Variants in SON observed in about 807,000 individuals in gnomAD.
The protein encoded by SON is protein SON.
Under a neutral mutation model 173.3 loss-of-function variants are expected in SON, and 4 were observed. The observed-to-expected ratio is 0.02, with a 90% CI of 0.01 to 0.05. The LOEUF is 0.05. SON is among the 10% of genes least tolerant of loss of function. The probability of loss-of-function intolerance (pLI) is 1.00; values close to 1 mark genes in which losing one functional copy is unlikely to be tolerated. For missense variants in SON, 2,626 were observed against 3,055.3 expected (o/e 0.86, Z 3.31); for synonymous variants, 1,190 against 1,105.9 (o/e 1.08, Z -1.51).
chr21:33,550,490 T>A lies in SON; in HGVS notation c.1259T>A (p.Leu420His). 1 of 1,612,190 alleles carries A rather than the reference T, an allele frequency of 6.2e-7. No individual in the cohort carries two copies. Among genetic ancestry groups the A allele is most frequent in the Non-Finnish European group, 8.5e-7 (1 of 1,179,294 alleles). ...CCGGTGCCAGAGTTGCCAGGGCCCC[T>A]TTCTACCCCAGTGCCTGAGTTGCCA... is the stretch of plus-strand genomic sequence containing the variant. ...ATPVPELPGPLSTPVPELPGP... is the reference protein window; with the variant it reads ...ATPVPELPGPHSTPVPELPGP... The change falls in exon 3 of 12, where the codon CTT becomes CAT. Residue 420 changes from leucine (L) to histidine (H), a missense_variant. Leu to His is a moderately conservative substitution (Grantham distance 99, BLOSUM62 -3). This residue lies in a region of SON where 757 missense variants were observed against 730.1 expected (regional missense o/e 1.04). Transcript: ENST00000356577.
Position 33,549,740 on chromosome 21 carries a change from C to T in SON, c.509C>T (p.Pro170Leu). 6.2e-7 allele frequency: 1 copy of T among 1,614,090 alleles called. No individual in the cohort carries two copies. Among genetic ancestry groups the T allele is most frequent in the Non-Finnish European group, 8.5e-7 (1 of 1,179,996 alleles). The change falls in exon 3 of 12, where the codon CCT becomes CTT. Residue 170 changes from proline (P) to leucine (L), a missense_variant. Physicochemically the swap from Pro to Leu is moderately conservative, Grantham distance 98. Transcript: ENST00000356577. Reference sequence around the variant, plus strand: ...CCTTCAGCTGTGGCGCTGGAGCTTCCTACAAGAGCATTTGGCCCATCTGAG... The same window carrying T: ...CCTTCAGCTGTGGCGCTGGAGCTTCTTACAAGAGCATTTGGCCCATCTGAG... Reference protein sequence around the residue: ...SEPSAVALELPTRAFGPSETN... With the variant: ...SEPSAVALELLTRAFGPSETN...
intron 6 of SON, among the ~76,000 whole-genome samples, chr21:33,564,522 G>C (rs1157412092): frequency 6.6e-6 from 1 of 152,120 alleles, no homozygotes; most frequent in East Asian, 1.9e-4. Context: ...ATGAGGTTAA[G>C]ATAATCTTGA....
chr21:33,545,047 T>C (rs1419330764), intron 1 of SON, among the ~76,000 whole-genome samples: 5 of 152,330 alleles, frequency 3.3e-5, no homozygotes, highest in East Asian at 1.9e-4. Context: ...ATTAGAGTAA[T>C]GAGGCTGACA....
chr21:33,576,172 A>T (rs1471855959), intron 11 of SON, among the ~76,000 whole-genome samples, 193 bp from the exon 12 acceptor site: 4 of 76,478 alleles, frequency 5.2e-5, no homozygotes. Flanking sequence ...TCTTTTTCTC[A>T]ATTTGGAGAC....
chr21:33,543,230 T>A, intron 1 of SON, 61 bp downstream of exon 1: 1 of 1,421,098 alleles, frequency 7.0e-7, no homozygotes, highest in East Asian at 2.3e-5. Flanking sequence ...CTAGCCTTCT[T>A]TGGCACCTTT....
rs768548789 is a variant in SON at position 33,559,542 on chromosome 21, T to C, written c.6469-45T>C. 1.3e-6 allele frequency: 2 copies of C among 1,540,844 alleles called. No individual in the cohort carries two copies. Among genetic ancestry groups the C allele is most frequent in the South Asian group, 2.4e-5 (2 of 83,596 alleles). On this transcript the variant is annotated intron_variant, in intron 5 of 11. Coordinates refer to ENST00000356577, the MANE Select transcript of SON (RefSeq NM_138927.4). This position sits in a 1 kb window ranked among gnomAD's most constrained non-coding sequence, Gnocchi z 4.1. ...GTAGAAAATCTCAAACCATTTAATG[T>C]AGATATCATATTGAGCTTTAATTAA...
rs778174674 is a variant in SON at position 33,550,257 on chromosome 21, G to T, written c.1026G>T (p.Gln342His). ...SAIEALRLPE[Q>H]PVDVPSEIAD... ...TTGAAGCGCTAAGATTGCCAGAGCAGCCTGTAGACGTACCATCGGAGATTG... is the reference window on the plus strand; with the variant it reads ...TTGAAGCGCTAAGATTGCCAGAGCATCCTGTAGACGTACCATCGGAGATTG... Residue 342 changes from glutamine to histidine, a missense_variant, in exon 3 of 12, where the codon CAG (glutamine) becomes CAT (histidine). This residue lies in a region of SON where 757 missense variants were observed against 730.1 expected (regional missense o/e 1.04). Coordinates refer to ENST00000356577, the MANE Select transcript of SON (RefSeq NM_138927.4). 6.2e-7 allele frequency: 1 copy of T among 1,614,292 alleles called. No homozygotes were observed. Among genetic ancestry groups the T allele is most frequent in the Admixed American group, 1.7e-5 (1 of 60,036 alleles).
rs769545742 is a variant in SON at position 33,554,778 on chromosome 21, G to C, written c.5547G>C (p.Lys1849Asn). 4 of 1,613,924 alleles carry C rather than the reference G, an allele frequency of 2.5e-6. No individual in the cohort carries two copies. The highest frequency in any genetic ancestry group is 2.5e-6 in the Non-Finnish European group (3 of 1,180,032). ...RTSESRSRAR[K>N]RSSKSKSHRS... ...GTGAATCTCGTTCTAGGGCAAGAAA[G>C]AGATCATCTAAGTCCAAGTCTCATC... is the stretch of plus-strand genomic sequence containing the variant. The change falls in exon 3 of 12, where the codon AAG becomes AAC. Residue 1849 changes from lysine to asparagine, a missense_variant. Physicochemically the swap from Lys to Asn is moderately conservative, Grantham distance 94 (BLOSUM62 0). This residue lies in a region of SON where 1,006 missense variants were observed against 895.6 expected (regional missense o/e 1.12). Transcript: ENST00000356577.
chr21:33,547,833 G>C (rs1258466455), intron 2 of SON, among the ~76,000 whole-genome samples: 1 of 147,208 alleles, frequency 6.8e-6, no homozygotes, highest in African/African-American at 2.5e-5. Context: ...TCCTGCCTCA[G>C]CCTCCGGAGT....
intron 7 of SON, among the ~76,000 whole-genome samples, chr21:33,568,688 CT>C (rs1234804374): frequency 6.6e-6 from 1 of 152,058 alleles, no homozygotes; most frequent in Non-Finnish European, 1.5e-5. Flanking sequence ...CATATGAGCT[CT>C]TTTTTGCATT....
intron 1 of SON, among the ~76,000 whole-genome samples, chr21:33,545,055 A>T (rs1381579717): frequency 6.6e-6 from 1 of 152,148 alleles, no homozygotes; most frequent in Admixed American, 6.5e-5. Flanking sequence ...AATGAGGCTG[A>T]CATTTAGATA....
chr21:33,572,310 T>C (rs2086303068), intron 8 of SON: 1 of 164,700 alleles, frequency 6.1e-6, no homozygotes, highest in Non-Finnish European at 1.3e-5. Flanking sequence ...AGATCAACAG[T>C]ACAACTTAAT....
intron 6 of SON, among the ~76,000 whole-genome samples, chr21:33,563,912 A>C (rs965077393): frequency 2.0e-5 from 3 of 152,158 alleles, no homozygotes; most frequent in African/African-American, 7.2e-5. Context: ...TATTTACCTG[A>C]GATTTGTAAT....
Position 33,552,109 on chromosome 21 carries a change from C to A in SON, c.2878C>A (p.Pro960Thr), listed in dbSNP as rs2085810881. The A allele has an allele frequency of 3.7e-6, 6 of 1,613,956 alleles. No homozygotes were observed. The highest frequency in any genetic ancestry group is 5.1e-6 in the Non-Finnish European group (6 of 1,180,008). The change falls in exon 3 of 12, where the codon CCT becomes ACT. Residue 960 changes from proline (P) to threonine (T), a missense_variant. Physicochemically the swap from Pro to Thr is conservative, Grantham distance 38. Around this residue, in one of 13 missense-constraint regions of SON, gnomAD observed 366 missense variants for 448.6 expected, o/e 0.82. Transcript: ENST00000356577. The surrounding 1 kb of genome is among the most constrained non-coding windows in gnomAD (Gnocchi z 5.6). ...RLGHDPYRLT[P>T]DPYRMSPRPY... is the part of the protein sequence containing the mutation. ...AGGCCATGATCCCTACAGACTAACT[C>A]CTGATCCCTATAGGATGTCACCTAG...
At position 33,557,462 on chromosome 21, in the gene SON, C is replaced by T. The variant is rs952822596; in HGVS notation, c.6321+146C>T. On this transcript the variant is annotated intron_variant, in intron 4 of 11. Coordinates refer to ENST00000356577, the MANE Select transcript of SON (RefSeq NM_138927.4). Reference sequence around the variant, plus strand: ...ACCCGAAATACAGATGTGGCAGCGGCAGAAGCTCTGTTTAGCAGGCCATTA... The same window carrying T: ...ACCCGAAATACAGATGTGGCAGCGGTAGAAGCTCTGTTTAGCAGGCCATTA... 2.1e-5 allele frequency: 33 copies of T among 1,544,502 alleles called. 1 individual carries two copies. In the Admixed American group the frequency reaches 4.5e-4, roughly 21 times the overall value.
intron 6 of SON, among the ~76,000 whole-genome samples, chr21:33,563,044 A>T (rs1184313342): frequency 1.3e-5 from 2 of 152,148 alleles, no homozygotes; most frequent in Non-Finnish European, 2.9e-5. Context: ...TGGAATTACA[A>T]TTTTTTTAAA....
intron 8 of SON, 101 bp from the exon 9 acceptor site, chr21:33,573,207 A>C: frequency 1.1e-6 from 1 of 935,246 alleles, no homozygotes; most frequent in South Asian, 1.6e-5. Context: ...TAACAGATCT[A>C]GAAGTAAAGT....
At position 33,559,140 on chromosome 21, in the gene SON, A is replaced by G. The variant is rs2145850054; in HGVS notation, c.6322-90A>G. ...TATCATGAATCTTGTTTAACTTTGG[A>G]AAGTTGCTATTATGTGGTTTTGATT... On this transcript the variant is annotated intron_variant, in intron 4 of 11. Coordinates refer to ENST00000356577, the MANE Select transcript of SON (RefSeq NM_138927.4). The surrounding 1 kb of genome is among the most constrained non-coding windows in gnomAD (Gnocchi z 4.1). The G allele has an allele frequency of 9.6e-7, 1 of 1,039,644 alleles. No homozygotes were observed. Among genetic ancestry groups the G allele is most frequent in the South Asian group, 1.8e-5 (1 of 54,712 alleles). 64.4% of individuals were successfully genotyped at this position (1,039,644 alleles called of 1,614,324 possible).
In SON at chr21:33,566,498, T is replaced by G. The variant is rs201591248; in HGVS notation, c.6658-659T>G. ...AACAAAAGTGTTTCAGTTGATGTTA[T>G]GGACTTCCACAGAAATATTGTAATT... On this transcript the variant is annotated intron_variant, in intron 6 of 11. Transcript: ENST00000356577. Among the ~76,000 whole-genome samples, 330 of 148,986 alleles carry G rather than the reference T, an allele frequency of 2.2e-3. 2 individuals carry two copies. Among genetic ancestry groups the G allele is most frequent in the African/African-American group, 7.8e-3 (315 of 40,234 alleles).
Sources: gnomAD v4.1 joint callset for allele counts (sites outside exome capture counted in the v4.1 genomes callset) on GRCh38, gnomAD v4.1.1 for gene constraint, gnomAD v4.1.1 regional missense constraint, Gnocchi (gnomAD v3.1) non-coding constraint, MANE v1.5 for transcripts, NCBI Gene and HGNC (gene_info 2026-07-23, HGNC 2026-07-21) for gene names.